The following AKT3 variants were observed in gnomAD, a reference collection of about 807,000 sequenced individuals.
AKT3 encodes RAC-gamma serine/threonine-protein kinase.
AKT3 carries 15 observed loss-of-function variants against 65.3 expected under a neutral mutation model. The ratio of observed to expected loss-of-function variants is 0.23; its 90% CI spans 0.15 to 0.35. The LOEUF (loss-of-function observed/expected upper bound fraction) is 0.35. Among genes scored for constraint, AKT3 ranks in the 10% least tolerant of loss-of-function variants. The pLI, the probability that AKT3 is intolerant of heterozygous loss-of-function variation, is 1.00. For synonymous variants in AKT3, 206 were observed against 183.8 expected, an observed-to-expected ratio of 1.12 and a Z score of -0.98; for missense variants, 243 against 576.5, an observed-to-expected ratio of 0.42 and a Z score of 5.92.
At chr1:243,636,215 C>T (rs891114117) in intron 6 of AKT3, among the ~76,000 whole-genome samples, 3 of 151,892 alleles carry the variant, frequency 2.0e-5, no homozygotes, top group African/African-American at 7.3e-5. Context: ...ATAATTATAG[C>T]AAATATTTAT....
intron 12 of AKT3, among the ~76,000 whole-genome samples, chr1:243,529,928 T>C (rs1367069864): frequency 6.6e-6 from 1 of 151,870 alleles, no homozygotes; most frequent in Non-Finnish European, 1.5e-5. Flanking sequence ...TTCCCAACCA[T>C]GAGCATGGAA....
Position 243,659,026 on chromosome 1 carries a change from T to A in AKT3, c.284+5746A>T, listed in dbSNP as rs567598585. On this transcript the variant is annotated intron_variant, in intron 4 of 13. Coordinates refer to ENST00000673466, the MANE Select transcript of AKT3 (RefSeq NM_005465.7). ...GCCTGGCTGACAGAGCAAGACCTTGTCTCAAAAAAAAAAGAAAGAAGGCAA... is the reference window on the plus strand; with the variant it reads ...GCCTGGCTGACAGAGCAAGACCTTGACTCAAAAAAAAAAGAAAGAAGGCAA... Among the ~76,000 whole-genome samples, 488 of 150,716 alleles carry A rather than the reference T, an allele frequency of 3.2e-3. 3 individuals are homozygous for A. The highest frequency in any genetic ancestry group is 0.012 in the African/African-American group (483 of 40,864).
At chr1:243,509,211 T>C (rs929928322) in intron 13 of AKT3, among the ~76,000 whole-genome samples, 71 of 152,290 alleles carry the variant, frequency 4.7e-4, no homozygotes, top group African/African-American at 1.5e-3. Context: ...AAAAACATTC[T>C]TGATGGCTTT....
chr1:243,603,802 T>C (rs1223940776), intron 8 of AKT3, among the ~76,000 whole-genome samples: 2 of 152,174 alleles, frequency 1.3e-5, no homozygotes, highest in Non-Finnish European at 2.9e-5. Context: ...CATATGATAC[T>C]TCTCTGCATA....
chr1:243,707,634 T>C (rs1279544478), intron 2 of AKT3, among the ~76,000 whole-genome samples: 1 of 152,128 alleles, frequency 6.6e-6, no homozygotes. Flanking sequence ...ATTCAGAAGG[T>C]ACATGTGCAG....
intron 3 of AKT3, among the ~76,000 whole-genome samples, chr1:243,677,087 A>G (rs924986120): frequency 3.3e-5 from 5 of 152,240 alleles, no homozygotes; most frequent in Admixed American, 6.5e-5. Flanking sequence ...CTGCCAAACT[A>G]TAAGTACTTT....
At chr1:243,623,416 G>T (rs908604694) in intron 6 of AKT3, among the ~76,000 whole-genome samples, 1 of 152,194 alleles carries the variant, frequency 6.6e-6, no homozygotes, top group Non-Finnish European at 1.5e-5. Context: ...ATTACTAATA[G>T]CTGTTTCTGT....
intron 2 of AKT3, among the ~76,000 whole-genome samples, chr1:243,787,308 A>T (rs1218652791): frequency 6.6e-6 from 1 of 152,184 alleles, no homozygotes; most frequent in Admixed American, 6.5e-5. Flanking sequence ...AATGTTACCC[A>T]TGCACATTTT....
At chr1:243,626,965 T>C (rs987185455) in intron 6 of AKT3, among the ~76,000 whole-genome samples, 3 of 152,202 alleles carry the variant, frequency 2.0e-5, no homozygotes, top group East Asian at 1.9e-4. Context: ...CCAGCTCACA[T>C]AGGTTGTTAA....
chr1:243,842,914 TAACTA>T (rs984792281), intron 2 of AKT3, among the ~76,000 whole-genome samples: 2 of 150,974 alleles, frequency 1.3e-5, no homozygotes, highest in East Asian at 1.9e-4. Flanking sequence ...AAACCTAACT[TAACTA>T]GATTATAAAT....
At chr1:243,531,130 C>A (rs190046323) in intron 12 of AKT3, among the ~76,000 whole-genome samples, 1 of 152,138 alleles carries the variant, frequency 6.6e-6, no homozygotes, top group East Asian at 1.9e-4. Context: ...CGTTCTGTCA[C>A]CCAAGCTTGG....
chr1:243,720,272 TG>T (rs1686794094), intron 2 of AKT3, among the ~76,000 whole-genome samples: 2 of 151,974 alleles, frequency 1.3e-5, no homozygotes, highest in Admixed American at 1.3e-4. Flanking sequence ...CACTCCAGCC[TG>T]GGCAACAAGA....
intron 12 of AKT3, among the ~76,000 whole-genome samples, chr1:243,522,890 CCT>C (rs143385209): frequency 5.3e-5 from 8 of 150,500 alleles, no homozygotes; most frequent in Non-Finnish European, 5.9e-5. Flanking sequence ...TGACCAAGAC[CCT>C]CTCTCTCTCT....
chr1:243,554,394 CA>C (rs1003978306), intron 10 of AKT3, among the ~76,000 whole-genome samples: 1 of 151,852 alleles, frequency 6.6e-6, no homozygotes, highest in Non-Finnish European at 1.5e-5. Flanking sequence ...CACAAACTAA[CA>C]AAAAAACATT....
chr1:243,843,419 T>C, intron 1 of AKT3, 137 bp from the exon 2 acceptor site: 1 of 1,108,644 alleles, frequency 9.0e-7, no homozygotes, highest in South Asian at 4.3e-5. Flanking sequence ...ACTGGGGAAC[T>C]TATTTATTAA....
At chr1:243,764,812 TCTAA>T (rs984715648) in intron 2 of AKT3, among the ~76,000 whole-genome samples, 15 of 152,218 alleles carry the variant, frequency 9.9e-5, no homozygotes, top group African/African-American at 3.6e-4. Context: ...ATTAATTAGC[TCTAA>T]CTTTTTCAAC....
chr1:243,647,742 C>G (rs1180684618), intron 4 of AKT3, among the ~76,000 whole-genome samples: 1 of 152,114 alleles, frequency 6.6e-6, no homozygotes, highest in Non-Finnish European at 1.5e-5. Context: ...CTTTTTACAT[C>G]TTTTTCTTGC....
intron 12 of AKT3, among the ~76,000 whole-genome samples, chr1:243,528,104 C>A (rs1054112054): frequency 6.6e-6 from 1 of 152,158 alleles, no homozygotes; most frequent in South Asian, 2.1e-4. Flanking sequence ...CACCTCCTTT[C>A]TATAGGTTAG....
In AKT3 at chr1:243,502,249, A is replaced by G. The variant is rs1669362088; in HGVS notation, c.*3000T>C. ...GGTGTAATAGAGAGACCCTGCAGTT[A>G]GTAAGGAAGGCCCTTACTTTTGTAC... is the stretch of plus-strand genomic sequence containing the variant. On this transcript the variant is annotated 3_prime_UTR_variant, in exon 14 of 14. Transcript: ENST00000673466. The G allele has an allele frequency of 4.3e-6, 1 of 232,742 alleles. No homozygotes were observed. The allele number at this position is 232,742 out of a possible 1,614,324, so 14.4% of individuals were successfully genotyped here.
Sources: gnomAD v4.1 joint callset for allele counts (sites outside exome capture counted in the v4.1 genomes callset) on GRCh38, gnomAD v4.1.1 for gene constraint, MANE v1.5 for transcripts, NCBI Gene and HGNC (gene_info 2026-07-23, HGNC 2026-07-21) for gene names.